CRLF3: variants seen among roughly 807,000 people sequenced by gnomAD.
CRLF3 encodes the protein cytokine receptor like factor 3.
In CRLF3, 33 loss-of-function variants were observed where a neutral mutation model predicts 55.0. The observed-to-expected ratio is 0.60, with a 90% CI of 0.46 to 0.80. The LOEUF (loss-of-function observed/expected upper bound fraction) is 0.80, where lower values mean the gene tolerates loss of function less well. CRLF3 is among the 30% of genes least tolerant of loss of function. CRLF3 has a pLI of 0.00. For missense variants in CRLF3, 494 were observed against 538.4 expected, an observed-to-expected ratio of 0.92 and a Z score of 0.82; for synonymous variants, 238 against 196.8, an observed-to-expected ratio of 1.21 and a Z score of -1.75.
chr17:30,811,347 C>T (rs1430976351), intron 1 of CRLF3, among the ~76,000 whole-genome samples: 4 of 151,150 alleles, frequency 2.6e-5, no homozygotes, highest in Non-Finnish European at 1.5e-5. Context: ...CCCAGCTACT[C>T]GGAGGCTGAG....
chr17:30,824,519 C>A lies in CRLF3; in HGVS notation c.129+4G>T, dbSNP rs1479553831. ...CAGCGCCCCTGTGGGTGTGGCCCTC[C>A]GACCTGCCTCCGCGCCTCACGCAGC... is the stretch of plus-strand genomic sequence containing the variant. On this transcript the variant is annotated splice_donor_region_variant and intron_variant, in intron 1 of 7. Transcript: ENST00000324238. The A allele has an allele frequency of 6.3e-7, 1 of 1,585,998 alleles. No homozygotes were observed. The highest frequency in any genetic ancestry group is 2.3e-5 in the East Asian group (1 of 43,216).
chr17:30,804,174 T>G, intron 1 of CRLF3, 66 bp from the exon 2 acceptor site: 2 of 1,117,918 alleles, frequency 1.8e-6, no homozygotes, highest in Non-Finnish European at 1.3e-6. Context: ...AAGGTATAAT[T>G]CACATGAATC....
At chr17:30,792,311 C>G (rs148554762) in intron 6 of CRLF3, 129 bp downstream of exon 6, 11 of 770,608 alleles carry the variant, frequency 1.4e-5, no homozygotes, top group Admixed American at 5.0e-5. Flanking sequence ...AATAAAGAAG[C>G]CTTCCCACAG....
Position 30,788,717 on chromosome 17 carries a change from C to T in CRLF3, c.960-2686G>A, listed in dbSNP as rs12451033. Among the ~76,000 whole-genome samples the T allele has an allele frequency of 8.9e-3, 1,313 of 147,028 alleles. 51 individuals are homozygous for T. The highest frequency in any genetic ancestry group is 0.065 in the Admixed American group (913 of 13,940). Reference sequence around the variant, plus strand: ...CCGCCTCCTGGGTTCAAGCGATTCTCCTGCCTCAGCCTCCTGAGTAGCTGG... The same window carrying T: ...CCGCCTCCTGGGTTCAAGCGATTCTTCTGCCTCAGCCTCCTGAGTAGCTGG... On this transcript the variant is annotated intron_variant, in intron 6 of 7. Transcript: ENST00000324238.
chr17:30,819,125 G>A (rs2142275686), intron 1 of CRLF3, among the ~76,000 whole-genome samples: 1 of 152,174 alleles, frequency 6.6e-6, no homozygotes, highest in African/African-American at 2.4e-5. Flanking sequence ...CCACCAACTA[G>A]TATCTTAATT....
chr17:30,824,439 C>T, intron 1 of CRLF3, 84 bp downstream of exon 1: 1 of 1,393,174 alleles, frequency 7.2e-7, no homozygotes, highest in Non-Finnish European at 9.6e-7. Context: ...CGGACAGTCC[C>T]ACCCCTCAAA....
Position 30,785,085 on chromosome 17 carries a change from ATTT to A in CRLF3, c.1073-645_1073-643del, listed in dbSNP as rs58719264. 9.5e-3 allele frequency: 959 copies of A among 101,224 alleles called. 3 individuals carry two copies. Among genetic ancestry groups the A allele is most frequent in the African/African-American group, 0.034 (799 of 23,488 alleles). The allele number at this position is 101,224 out of a possible 1,614,324, so 6.3% of individuals were successfully genotyped here. ...TATTATTAACATGTCTTGCTAGTGA[ATTT>A]TTTTTTTTTTTTTTTTTTTTGAGAC... On this transcript the variant is annotated intron_variant, in intron 7 of 7. Transcript: ENST00000324238.
Position 30,788,473 on chromosome 17 carries a change from A to G in CRLF3, c.960-2442T>C, listed in dbSNP as rs116337838. The stretch of plus-strand genomic sequence containing the variant: ...GGGTTGCTAGCAGACCTGGGCATCT[A>G]ATGAGAGTGGGTCTAGAGACTGTTA... On this transcript the variant is annotated intron_variant, in intron 6 of 7. Coordinates refer to ENST00000324238, the MANE Select transcript of CRLF3 (RefSeq NM_015986.4). Among the ~76,000 whole-genome samples the G allele has an allele frequency of 8.8e-3, 1,331 of 152,040 alleles. 19 individuals are homozygous for G. Among genetic ancestry groups the G allele is most frequent in the African/African-American group, 0.03 (1,253 of 41,492 alleles).
intron 6 of CRLF3, chr17:30,792,229 T>C: frequency 2.1e-6 from 1 of 480,778 alleles, no homozygotes; most frequent in Admixed American, 3.1e-5. Flanking sequence ...ATAACAAGCA[T>C]TTTATATACA....
intron 3 of CRLF3, among the ~76,000 whole-genome samples, chr17:30,796,938 GC>G (rs1451817420): frequency 6.6e-6 from 1 of 151,832 alleles, no homozygotes; most frequent in Non-Finnish European, 1.5e-5. Context: ...TCTTGCTGTT[GC>G]CCAGGCTGGA....
At position 30,804,086 on chromosome 17, in the gene CRLF3, G is replaced by A. The variant is rs1972049424; in HGVS notation, c.152C>T (p.Thr51Ile). 6.2e-7 allele frequency: 1 copy of A among 1,612,526 alleles called. No individual in the cohort carries two copies. The highest frequency in any genetic ancestry group is 8.5e-7 in the Non-Finnish European group (1 of 1,178,930). The change falls in exon 2 of 8, where the codon ACA (threonine) becomes ATA (isoleucine). Residue 51 changes from threonine to isoleucine, a missense_variant. By Grantham distance (89) the Thr-to-Ile change is moderately conservative. Transcript: ENST00000324238. ...RRQIKESASQ[T>I]RDVLKQHFND... is the part of the protein sequence containing the mutation. ...AAAATGCTGTTTGAGAACATCCCTTGTCTGTGATGCACTTTCTTTGATCTA... is the reference window on the plus strand; with the variant it reads ...AAAATGCTGTTTGAGAACATCCCTTATCTGTGATGCACTTTCTTTGATCTA...
intron 4 of CRLF3, among the ~76,000 whole-genome samples, chr17:30,795,271 G>A (rs972197292): frequency 4.3e-4 from 64 of 150,356 alleles, no homozygotes; most frequent in African/African-American, 1.3e-3. Context: ...ACCTGAGGTC[G>A]GGAGTTTGAG....
At position 30,820,208 on chromosome 17, in the gene CRLF3, T is replaced by C. The variant is rs190642420; in HGVS notation, c.129+4315A>G. On this transcript the variant is annotated intron_variant, in intron 1 of 7. Coordinates refer to ENST00000324238, the MANE Select transcript of CRLF3 (RefSeq NM_015986.4). ...CTTGCATTCCTACACAGAACTTCCT[T>C]TTCTCTGAAAACAGAGGGTAGAGCC... 6.8e-4 allele frequency among the ~76,000 whole-genome samples: 101 copies of C among 149,398 alleles called. 2 individuals carry two copies. The highest frequency in any genetic ancestry group is 2.6e-3 in the African/African-American group (99 of 38,810).
intron 1 of CRLF3, among the ~76,000 whole-genome samples, chr17:30,806,507 C>T (rs1904407969): frequency 6.6e-6 from 1 of 152,118 alleles, no homozygotes; most frequent in Non-Finnish European, 1.5e-5. Flanking sequence ...CCAAGCACAC[C>T]TGTGATTCTG....
intron 1 of CRLF3, among the ~76,000 whole-genome samples, chr17:30,807,749 C>T (rs958912228): frequency 6.6e-6 from 1 of 151,826 alleles, no homozygotes; most frequent in South Asian, 2.1e-4. Context: ...GTCTTGAACT[C>T]CTGATCTCCG....
In CRLF3 at chr17:30,792,615, A is replaced by G. The variant is rs1410531976; in HGVS notation, c.827-43T>C. The G allele has an allele frequency of 3.2e-6, 5 of 1,570,230 alleles. No individual in the cohort carries two copies. In the South Asian group the frequency reaches 5.6e-5, roughly 18 times the overall value. ...TATTGAAAACTGTTAGAATCTCTTG[A>G]GGGATATCTTCAATACAGACACGTT... is the stretch of plus-strand genomic sequence containing the variant. On this transcript the variant is annotated intron_variant, in intron 5 of 7. Transcript: ENST00000324238.
At chr17:30,784,631 C>T (rs933985947) in intron 7 of CRLF3, 188 bp from the exon 8 acceptor site, 1 of 513,014 alleles carries the variant, frequency 1.9e-6, no homozygotes. Context: ...ATGAGTTTCC[C>T]ATATCAGTGT....
At chr17:30,803,368 C>T (rs1276689425) in intron 2 of CRLF3, among the ~76,000 whole-genome samples, 2 of 152,058 alleles carry the variant, frequency 1.3e-5, no homozygotes, top group East Asian at 1.9e-4. Context: ...ACTTGCCATG[C>T]GATACCTAAC....
Position 30,815,421 on chromosome 17 carries a change from C to T in CRLF3, c.129+9102G>A, listed in dbSNP as rs552803245. Among the ~76,000 whole-genome samples, 9 of 151,828 alleles carry T rather than the reference C, an allele frequency of 5.9e-5. No individual in the cohort carries two copies. The South Asian group carries it at 1.9e-3, about 32-fold the overall frequency. ...ATTTTTAGTAGAGATGGGGTTTCAC[C>T]ATGTTGGCCAGGCTGGTCTTGAAAC... On this transcript the variant is annotated intron_variant, in intron 1 of 7. Coordinates refer to ENST00000324238, the MANE Select transcript of CRLF3 (RefSeq NM_015986.4).
Sources: gnomAD v4.1 joint callset for allele counts (sites outside exome capture counted in the v4.1 genomes callset) on GRCh38, gnomAD v4.1.1 for gene constraint, MANE v1.5 for transcripts, NCBI Gene and HGNC (gene_info 2026-07-23, HGNC 2026-07-21) for gene names.